Variants in GRB14 observed in about 807,000 individuals in gnomAD.
GRB14 encodes growth factor receptor bound protein 14.
In GRB14, 38 loss-of-function variants were observed where a neutral mutation model predicts 69.1. The ratio of observed to expected loss-of-function variants is 0.55; its 90% CI spans 0.42 to 0.72. The LOEUF (loss-of-function observed/expected upper bound fraction) is 0.72. GRB14 is among the 30% of genes least tolerant of loss of function. GRB14 has a pLI of 0.00. For missense variants in GRB14, 666 were observed against 666.1 expected (o/e 1.00, Z 0.00); for synonymous variants, 247 against 241.3 (o/e 1.02, Z -0.22).
At chr2:164,578,603 A>G (rs1689314376) in intron 2 of GRB14, among the ~76,000 whole-genome samples, 2 of 151,960 alleles carry the variant, frequency 1.3e-5, no homozygotes, top group Admixed American at 1.3e-4. Flanking sequence ...CAGTGATACG[A>G]GAAACATACA....
At chr2:164,617,664 C>A (rs903310998) in intron 2 of GRB14, among the ~76,000 whole-genome samples, 6 of 152,136 alleles carry the variant, frequency 3.9e-5, no homozygotes, top group Non-Finnish European at 8.8e-5. Flanking sequence ...AGGCATTCTG[C>A]AAGTGTCCAT....
chr2:164,535,308 AAAG>A (rs1306284899), intron 3 of GRB14, among the ~76,000 whole-genome samples: 2 of 152,128 alleles, frequency 1.3e-5, no homozygotes, highest in Non-Finnish European at 2.9e-5. Flanking sequence ...AGAAAAGAAA[AAAG>A]AAGAAGAAAG....
At chr2:164,511,931 G>T (rs1380706218) in intron 6 of GRB14, among the ~76,000 whole-genome samples, 1 of 152,016 alleles carries the variant, frequency 6.6e-6, no homozygotes, top group East Asian at 1.9e-4. Flanking sequence ...CCCAGACCTG[G>T]TGGCATTCAC....
At position 164,544,722 on chromosome 2, in the gene GRB14, T is replaced by C. The variant is rs1312210942; in HGVS notation, c.481+2938A>G. Among the ~76,000 whole-genome samples, 4 of 152,192 alleles carry C rather than the reference T, an allele frequency of 2.6e-5. No individual in the cohort carries two copies. The East Asian group carries it at 7.7e-4, about 29-fold the overall frequency. The stretch of plus-strand genomic sequence containing the variant: ...ATCTAGGCTGAGCTGTCAAAGTCAG[T>C]TGCACTATTGTAGCTCATCAGCTAT... On this transcript the variant is annotated intron_variant, in intron 3 of 13. Transcript: ENST00000263915.
chr2:164,547,619 T>C, intron 3 of GRB14, 41 bp downstream of exon 3: 2 of 1,523,556 alleles, frequency 1.3e-6, no homozygotes, highest in South Asian at 2.6e-5. Context: ...GAACAAGAAA[T>C]AGAAAAGCAA....
intron 2 of GRB14, among the ~76,000 whole-genome samples, chr2:164,559,215 G>T (rs1245062300): frequency 6.6e-6 from 1 of 151,950 alleles, no homozygotes; most frequent in East Asian, 1.9e-4. Flanking sequence ...AACAAACACT[G>T]GGAACAACTG....
chr2:164,562,181 G>C lies in GRB14; in HGVS notation c.325-14365C>G, dbSNP rs140291070. On this transcript the variant is annotated intron_variant, in intron 2 of 13. Coordinates refer to ENST00000263915, the MANE Select transcript of GRB14 (RefSeq NM_004490.3). ...TCATACAGCTAAGGTTCTATTAATA[G>C]TAACACCACTTGCCTACTGAAGCAA... 4.5e-3 allele frequency among the ~76,000 whole-genome samples: 688 copies of C among 152,232 alleles called. 8 individuals are homozygous for C. The highest frequency in any genetic ancestry group is 0.031 in the Middle Eastern group (9 of 294).
intron 12 of GRB14, among the ~76,000 whole-genome samples, chr2:164,496,067 G>A (rs778773724): frequency 6.6e-6 from 1 of 152,118 alleles, no homozygotes; most frequent in African/African-American, 2.4e-5. Context: ...GCAAAGAAAC[G>A]TATTAAAATA....
At chr2:164,498,431 C>T (rs1471499973) in intron 9 of GRB14, among the ~76,000 whole-genome samples, 2 of 152,006 alleles carry the variant, frequency 1.3e-5, no homozygotes, top group African/African-American at 4.8e-5. Context: ...ATATGCCACC[C>T]CACAACAAGT....
At chr2:164,494,148 C>T (rs890990653) in intron 13 of GRB14, among the ~76,000 whole-genome samples, 1 of 152,024 alleles carries the variant, frequency 6.6e-6, no homozygotes, top group African/African-American at 2.4e-5. Context: ...GCTTTAGTGC[C>T]CTTTTAACAA....
chr2:164,527,689 T>A (rs566531210), intron 3 of GRB14, among the ~76,000 whole-genome samples: 1 of 152,006 alleles, frequency 6.6e-6, no homozygotes, highest in African/African-American at 2.4e-5. Flanking sequence ...AGGTTTTTTT[T>A]AAGAAGCCCA....
At chr2:164,545,255 C>A (rs949501618) in intron 3 of GRB14, among the ~76,000 whole-genome samples, 7 of 152,222 alleles carry the variant, frequency 4.6e-5, no homozygotes, top group Middle Eastern at 3.4e-3. Flanking sequence ...TTGTGGCAGG[C>A]TGAACTATAG....
Position 164,508,506 on chromosome 2 carries a change from T to C in GRB14, c.972A>G (p.Ala324=), listed in dbSNP as rs761775375. 24 of 1,614,024 alleles carry C rather than the reference T, an allele frequency of 1.5e-5. No homozygotes were observed. The highest frequency in any genetic ancestry group is 1.6e-4 in the Middle Eastern group (1 of 6,082). The part of the protein sequence containing the change: ...GGPRDLKMLC[A]EEEQSRTCWV... ...AGCACGTCCTACTCTGCTCTTCTTC[T>C]GCACAGAGCATTTTCAGGTCTCGGG... The change falls in exon 8 of 14, where the codon GCA becomes GCG. Residue 324 remains alanine, a synonymous_variant. Coordinates refer to ENST00000263915, the MANE Select transcript of GRB14 (RefSeq NM_004490.3).
chr2:164,618,612 C>A (rs763408250), intron 2 of GRB14, among the ~76,000 whole-genome samples: 3 of 152,106 alleles, frequency 2.0e-5, no homozygotes, highest in Non-Finnish European at 2.9e-5. Flanking sequence ...TCAAGCCCCT[C>A]CCCCCAAAAA....
chr2:164,594,650 G>A (rs1261816440), intron 2 of GRB14, among the ~76,000 whole-genome samples: 1 of 152,076 alleles, frequency 6.6e-6, no homozygotes, highest in Non-Finnish European at 1.5e-5. Flanking sequence ...CAAGCTCCAG[G>A]GTGTTAATGG....
intron 3 of GRB14, among the ~76,000 whole-genome samples, chr2:164,547,200 A>G (rs890758160): frequency 6.6e-6 from 1 of 152,184 alleles, no homozygotes; most frequent in African/African-American, 2.4e-5. Context: ...TGATCTCTCT[A>G]AACAGACACA....
At chr2:164,499,102 G>C (rs562470661) in intron 9 of GRB14, among the ~76,000 whole-genome samples, 1 of 152,070 alleles carries the variant, frequency 6.6e-6, no homozygotes, top group Non-Finnish European at 1.5e-5. Flanking sequence ...CACAGAGTAA[G>C]CTTCCTCAAT....
chr2:164,597,956 C>G (rs1689823807), intron 2 of GRB14, among the ~76,000 whole-genome samples: 1 of 151,886 alleles, frequency 6.6e-6, no homozygotes, highest in Non-Finnish European at 1.5e-5. Flanking sequence ...AGGGGAATCA[C>G]CAAGAGCTGA....
intron 3 of GRB14, among the ~76,000 whole-genome samples, chr2:164,534,609 G>T (rs551616275): frequency 9.9e-5 from 15 of 152,120 alleles, no homozygotes; most frequent in Admixed American, 5.2e-4. Flanking sequence ...CAAGACCTAA[G>T]AAAAGGGAAA....
Sources: allele counts gnomAD v4.1 joint callset (sites outside exome capture counted in the v4.1 genomes callset), GRCh38; gene constraint gnomAD v4.1.1; transcripts MANE v1.5; gene names NCBI Gene and HGNC (gene_info 2026-07-23, HGNC 2026-07-21).